The following GDPD5 variants were observed in gnomAD, a reference collection of about 807,000 sequenced individuals.
The protein encoded by GDPD5 is glycerophosphodiester phosphodiesterase 2.
In GDPD5, 48 loss-of-function variants were observed where a neutral mutation model predicts 75.1. The ratio of observed to expected loss-of-function variants is 0.64; its 90% confidence interval spans 0.51 to 0.81. The LOEUF is 0.81. Ranked by LOEUF, GDPD5 falls within the 40% of genes least tolerant of loss-of-function variation. The pLI is 0.00. For missense variants in GDPD5, 706 were observed against 822.6 expected (o/e 0.86, Z 1.73); for synonymous variants, 336 against 339.0 (o/e 0.99, Z 0.10).
At chr11:75,496,779 C>CTTTCTTTTTTTTTTTTTT (rs58663409) in intron 1 of GDPD5, among the ~76,000 whole-genome samples, 46 of 103,116 alleles carry the variant, frequency 4.5e-4, no homozygotes, top group East Asian at 1.0e-3. Flanking sequence ...TTCTTTCTTT[C>CTTTCTTTTTTTTTTTTTT]TTTTTTTTTT....
intron 1 of GDPD5, among the ~76,000 whole-genome samples, chr11:75,516,329 CG>C (rs1194063399): frequency 2.0e-5 from 3 of 152,208 alleles, no homozygotes; most frequent in Non-Finnish European, 4.4e-5. Flanking sequence ...GCTAGTCCCT[CG>C]GTGCTGCACT....
chr11:75,490,560 C>A (rs558994759), intron 1 of GDPD5: 1 of 152,758 alleles, frequency 6.5e-6, no homozygotes, highest in South Asian at 2.1e-4. Context: ...TCCACCTCCA[C>A]GCATGCTGCC....
intron 1 of GDPD5, among the ~76,000 whole-genome samples, chr11:75,497,349 G>C (rs550940553): frequency 6.6e-6 from 1 of 152,196 alleles, no homozygotes; most frequent in East Asian, 1.9e-4. Context: ...GTGGATCAAA[G>C]TTGTCTCCCG....
chr11:75,463,034 T>C, intron 3 of GDPD5, 145 bp from the exon 4 acceptor site: 1 of 659,928 alleles, frequency 1.5e-6, no homozygotes. Flanking sequence ...TGGGAGAAAC[T>C]GAGGTTCAGA....
At chr11:75,493,404 G>A (rs1950149797) in intron 1 of GDPD5, among the ~76,000 whole-genome samples, 1 of 151,804 alleles carries the variant, frequency 6.6e-6, no homozygotes, top group Non-Finnish European at 1.5e-5. Context: ...TTTAAGGCAT[G>A]CGTTGTGGAC....
chr11:75,466,368 AG>A (rs1949515949), intron 3 of GDPD5, among the ~76,000 whole-genome samples: 1 of 152,162 alleles, frequency 6.6e-6, no homozygotes, highest in South Asian at 2.1e-4. Context: ...AAGGAAGGGA[AG>A]GGGAAGGTGA....
At chr11:75,496,056 G>A (rs983919564) in intron 1 of GDPD5, among the ~76,000 whole-genome samples, 3 of 152,206 alleles carry the variant, frequency 2.0e-5, no homozygotes, top group Non-Finnish European at 4.4e-5. Flanking sequence ...CACAGACCCT[G>A]TACTCCTTAA....
intron 2 of GDPD5, chr11:75,479,182 G>T (rs909952035): frequency 6.6e-6 from 1 of 152,324 alleles, no homozygotes; most frequent in East Asian, 1.9e-4. Flanking sequence ...CTGAGTATCA[G>T]GTGTCATCCA....
chr11:75,501,620 C>T (rs2135454020), intron 1 of GDPD5, among the ~76,000 whole-genome samples: 1 of 152,310 alleles, frequency 6.6e-6, no homozygotes, highest in Middle Eastern at 3.4e-3. Context: ...GGAGACGTGG[C>T]AACAGCCACC....
chr11:75,461,298 C>G (rs897885667), intron 4 of GDPD5, among the ~76,000 whole-genome samples: 2 of 152,160 alleles, frequency 1.3e-5, no homozygotes, highest in African/African-American at 2.4e-5. Flanking sequence ...CTTTGGACAT[C>G]TGCAAAGATG....
At position 75,465,603 on chromosome 11, in the gene GDPD5, C is replaced by G. The variant is rs562733064; in HGVS notation, c.118-2714G>C. ...GTGAGGAAACACCCTTTCTCCTACC[C>G]TGGCATGAGTACACCCACCCAGGAG... is the stretch of plus-strand genomic sequence containing the variant. On this transcript the variant is annotated intron_variant, in intron 3 of 16. Transcript: ENST00000336898. 5.3e-5 allele frequency among the ~76,000 whole-genome samples: 8 copies of G among 152,322 alleles called. No homozygotes were observed. In the South Asian group the frequency reaches 1.7e-3, roughly 32 times the overall value.
rs1408734285 is a variant in GDPD5 at position 75,445,866 on chromosome 11, C to T, written c.715-1371G>A. 2.6e-5 allele frequency among the ~76,000 whole-genome samples: 4 copies of T among 152,212 alleles called. No homozygotes were observed. The East Asian group carries it at 7.7e-4, about 29-fold the overall frequency. On this transcript the variant is annotated intron_variant, in intron 9 of 16. Coordinates refer to ENST00000336898, the MANE Select transcript of GDPD5 (RefSeq NM_030792.8). ...TAAAATGGGCTAACATTATCAACCTCACAGGTGAGATAACAAAAGTCACAG... is the reference window on the plus strand; with the variant it reads ...TAAAATGGGCTAACATTATCAACCTTACAGGTGAGATAACAAAAGTCACAG...
At chr11:75,481,871 G>A (rs2135387712) in intron 2 of GDPD5, among the ~76,000 whole-genome samples, 1 of 152,226 alleles carries the variant, frequency 6.6e-6, no homozygotes, top group South Asian at 2.1e-4. Context: ...GGGCCACTCA[G>A]GCTCTTCCCT....
At chr11:75,465,182 G>T (rs1450183779) in intron 3 of GDPD5, among the ~76,000 whole-genome samples, 1 of 152,178 alleles carries the variant, frequency 6.6e-6, no homozygotes, top group Non-Finnish European at 1.5e-5. Flanking sequence ...CTTCTCAGTA[G>T]ATGTCAGGGC....
At chr11:75,452,051 T>C (rs1949172615) in intron 6 of GDPD5, 1 of 152,206 alleles carries the variant, frequency 6.6e-6, no homozygotes, top group African/African-American at 2.4e-5. Context: ...CTGTGGCTTG[T>C]GATAGCCATG....
chr11:75,487,685 G>A (rs556149889), intron 2 of GDPD5, among the ~76,000 whole-genome samples: 5 of 152,210 alleles, frequency 3.3e-5, no homozygotes, highest in African/African-American at 9.7e-5. Context: ...GCCCAGAGGC[G>A]AAGGTAGACT....
intron 6 of GDPD5, chr11:75,450,253 G>A (rs1949105448): frequency 5.4e-6 from 3 of 558,936 alleles, no homozygotes; most frequent in South Asian, 4.3e-5. Flanking sequence ...GGGAGGATGG[G>A]GACAGGAGGA....
At chr11:75,450,150 G>GA (rs1949101147) in intron 6 of GDPD5, among the ~76,000 whole-genome samples, 167 bp from the exon 7 acceptor site, 1 of 152,186 alleles carries the variant, frequency 6.6e-6, no homozygotes, top group Admixed American at 6.5e-5. Context: ...GAAACTAGAG[G>GA]CCGGCAGATA....
At chr11:75,471,853 C>T (rs1949674089) in intron 3 of GDPD5, among the ~76,000 whole-genome samples, 1 of 152,154 alleles carries the variant, frequency 6.6e-6, no homozygotes, top group African/African-American at 2.4e-5. Flanking sequence ...TCCCCACCTC[C>T]TCATGCTGCA....
Sources: allele counts gnomAD v4.1 joint callset (sites outside exome capture counted in the v4.1 genomes callset), GRCh38; gene constraint gnomAD v4.1.1; transcripts MANE v1.5; gene names NCBI Gene and HGNC (gene_info 2026-07-23, HGNC 2026-07-21).